Variants in MYH7B observed in about 807,000 individuals in gnomAD.
MYH7B encodes the protein myosin heavy chain 7B.
A neutral mutation model predicts 234.5 loss-of-function variants in MYH7B; 205 were observed. The observed-to-expected ratio is 0.87, with a 90% confidence interval of 0.78 to 0.98. The LOEUF (loss-of-function observed/expected upper bound fraction) is 0.98. Ranked by LOEUF, MYH7B falls within the 50% of genes least tolerant of loss-of-function variation. The probability of loss-of-function intolerance (pLI) is 0.00; values close to 1 mark genes in which losing one functional copy is unlikely to be tolerated. For missense variants in MYH7B, 2,652 were observed against 2,633.4 expected (o/e 1.01, Z -0.15); for synonymous variants, 1,193 against 1,105.0 (o/e 1.08, Z -1.58).
chr20:34,993,141 C>A, exon 25 of MYH7B: 2 of 1,614,010 alleles, frequency 1.2e-6, no homozygotes, highest in Non-Finnish European at 1.7e-6. Context: ...CGGATGACAC[C>A]TTCATGGACA....
chr20:34,960,381 G>A (rs959107638), intron 2 of MYH7B, among the ~76,000 whole-genome samples: 5 of 152,082 alleles, frequency 3.3e-5, no homozygotes, highest in African/African-American at 4.8e-5. Context: ...GACTACAGGC[G>A]CCTGCCACCA....
exon 38 of MYH7B, chr20:34,999,848 G>C: frequency 6.2e-7 from 1 of 1,612,262 alleles, no homozygotes; most frequent in Middle Eastern, 1.7e-4. Flanking sequence ...GCTCTCCCAG[G>C]TCAAAGCAGA....
chr20:34,985,192 G>A (rs1015340161), intron 13 of MYH7B, 63 bp downstream of exon 13: 3 of 1,520,272 alleles, frequency 2.0e-6, no homozygotes, highest in Non-Finnish European at 2.7e-6. Context: ...CCCCAACTCG[G>A]CCTCTGTCAT....
At chr20:34,998,158 C>CTTGG (rs2082299091) in intron 32 of MYH7B, 137 bp from the exon 33 acceptor site, 1 of 1,054,064 alleles carries the variant, frequency 9.5e-7, no homozygotes, top group Non-Finnish European at 1.4e-6. Flanking sequence ...TGACTTTGAA[C>CTTGG]TTGGGGCTCT....
chr20:34,979,011 TAA>T (rs1198246026), intron 5 of MYH7B, among the ~76,000 whole-genome samples: 1 of 152,142 alleles, frequency 6.6e-6, no homozygotes, highest in African/African-American at 2.4e-5. Flanking sequence ...GACCCCTCCC[TAA>T]GAGTCATATG....
At chr20:34,986,852 G>A (rs756827264) in intron 14 of MYH7B, 34 bp from the exon 15 acceptor site, 5 of 1,565,132 alleles carry the variant, frequency 3.2e-6, no homozygotes, top group African/African-American at 2.7e-5. Flanking sequence ...GGTAAGCACT[G>A]CCTGACCCTC....
intron 10 of MYH7B, 99 bp from the exon 11 acceptor site, chr20:34,984,593 C>T (rs1260976817): frequency 9.2e-7 from 1 of 1,082,612 alleles, no homozygotes; most frequent in South Asian, 1.3e-5. Flanking sequence ...CTCCACCCCC[C>T]TGTCCTGCTG....
intron 43 of MYH7B, 72 bp downstream of exon 43, chr20:35,001,598 G>T (rs779796699): frequency 9.3e-5 from 123 of 1,318,150 alleles, no homozygotes; most frequent in Non-Finnish European, 1.2e-4. Flanking sequence ...GCCAGGTGAG[G>T]CATCAGCAGC....
At chr20:34,998,410 A>G in exon 33 of MYH7B, 11 of 1,613,360 alleles carry the variant, frequency 6.8e-6, no homozygotes, top group Non-Finnish European at 8.5e-6. Flanking sequence ...GGGCGACTAC[A>G]GACGGAAAGC....
intron 28 of MYH7B, 61 bp downstream of exon 28, chr20:34,995,639 T>C (rs2082242867): frequency 6.3e-7 from 1 of 1,597,346 alleles, no homozygotes; most frequent in Non-Finnish European, 8.5e-7. Context: ...TGGGGCCAGG[T>C]GGCTGCAGGT....
exon 17 of MYH7B, chr20:34,987,659 G>A (rs781582492): frequency 1.2e-6 from 2 of 1,613,524 alleles, no homozygotes; most frequent in Non-Finnish European, 1.7e-6. Flanking sequence ...GTGACCAAGG[G>A]CCAGAGTGTG....
intron 24 of MYH7B, 151 bp downstream of exon 24, chr20:34,991,272 G>A (rs1383035713): frequency 3.3e-6 from 2 of 602,176 alleles, no homozygotes. Flanking sequence ...GCAAGACATG[G>A]GGGTGGCTCA....
In MYH7B at chr20:34,988,051, T is replaced by C. The variant is rs1245260227; in HGVS notation, c.1417-41T>C. 1.9e-6 allele frequency: 3 copies of C among 1,591,894 alleles called. 1 individual carries two copies. Among genetic ancestry groups the C allele is most frequent in the South Asian group, 2.3e-5 (2 of 88,008 alleles). On this transcript the variant is annotated intron_variant, in intron 18 of 44. Transcript: ENST00000262873. ...CCCTCCCCGGGCCTCCCTTTCCCCATCTGCGAGAGGTCTGCTGAGCCAGGC... is the reference window on the plus strand; with the variant it reads ...CCCTCCCCGGGCCTCCCTTTCCCCACCTGCGAGAGGTCTGCTGAGCCAGGC...
At chr20:34,995,503 G>A (rs1344119886) in exon 28 of MYH7B, 1 of 1,614,090 alleles carries the variant, frequency 6.2e-7, no homozygotes, top group Non-Finnish European at 8.5e-7. Flanking sequence ...AGTGCACGGA[G>A]CTCAAGAAGG....
intron 8 of MYH7B, 141 bp downstream of exon 8, chr20:34,980,875 C>A: frequency 6.8e-7 from 1 of 1,478,670 alleles, no homozygotes; most frequent in Non-Finnish European, 9.3e-7. Context: ...TCTGTCCCTC[C>A]GCATGGGAGC....
chr20:34,975,590 A>G, intron 3 of MYH7B, 91 bp downstream of exon 3: 2 of 673,618 alleles, frequency 3.0e-6, no homozygotes, highest in Non-Finnish European at 5.5e-6. Context: ...TAATGGCAAA[A>G]GACTGAAAAC....
chr20:34,999,759 CCCACCCT>C, intron 37 of MYH7B, 25 bp from the exon 38 acceptor site: 1 of 1,245,654 alleles, frequency 8.0e-7, no homozygotes, highest in South Asian at 1.4e-5. Context: ...ATCCCCCCCC[CCCACCCT>C]ACCCTGCCTG....
Position 34,998,632 on chromosome 20 carries a change from G to A in MYH7B, c.3993+3G>A. On this transcript the variant is annotated splice_donor_region_variant and intron_variant, in intron 34 of 44. Transcript: ENST00000262873. ...GCCAGCTAGAGGAGGAAAGCAAGGTGGGCTGGCACCGGTGACCATGGAGTG... is the reference window on the plus strand; with the variant it reads ...GCCAGCTAGAGGAGGAAAGCAAGGTAGGCTGGCACCGGTGACCATGGAGTG... The A allele has an allele frequency of 6.2e-7, 1 of 1,613,052 alleles. No homozygotes were observed. Among genetic ancestry groups the A allele is most frequent in the Non-Finnish European group, 8.5e-7 (1 of 1,179,888 alleles).
intron 36 of MYH7B, 63 bp downstream of exon 36, chr20:34,999,468 G>C: frequency 6.6e-7 from 1 of 1,523,394 alleles, no homozygotes; most frequent in African/African-American, 1.4e-5. Context: ...TTTGAGTTAT[G>C]GGGGTGCCCT....
Sources: gnomAD v4.1 joint callset for allele counts (sites outside exome capture counted in the v4.1 genomes callset) on GRCh38, gnomAD v4.1.1 for gene constraint, MANE v1.5 for transcripts, NCBI Gene and HGNC (gene_info 2026-07-23, HGNC 2026-07-21) for gene names.